PIK3CA: variants seen among roughly 807,000 people sequenced by gnomAD.
The protein encoded by PIK3CA is phosphatidylinositol 4,5-bisphosphate 3-kinase catalytic subunit alpha isoform.
PIK3CA carries 27 observed loss-of-function variants against 138.2 expected under a neutral mutation model. The ratio of observed to expected loss-of-function variants is 0.20; its 90% CI spans 0.14 to 0.27. PIK3CA has a LOEUF of 0.27. Among genes scored for constraint, PIK3CA ranks in the 10% least tolerant of loss-of-function variants. The pLI is 1.00. For missense variants in PIK3CA, 544 were observed against 1,277.4 expected (o/e 0.43, Z 8.75); for synonymous variants, 358 against 413.2 (o/e 0.87, Z 1.62).
At chr3:179,207,593 C>T (rs1724598993) in intron 6 of PIK3CA, among the ~76,000 whole-genome samples, 1 of 150,082 alleles carries the variant, frequency 6.7e-6, no homozygotes, top group Admixed American at 6.7e-5. Context: ...GTCGCCCAGG[C>T]TGGAGTGCAT....
chr3:179,198,061 G>C (rs568270730), intron 1 of PIK3CA, among the ~76,000 whole-genome samples: 2 of 152,164 alleles, frequency 1.3e-5, no homozygotes, highest in South Asian at 2.1e-4. Flanking sequence ...CAAATTCATC[G>C]TCATACTTCA....
rs1725181167 is a variant in PIK3CA, at chr3:179,230,327, G to C, written c.2887G>C (p.Val963Leu). 1 of 1,611,714 alleles carries C rather than the reference G, an allele frequency of 6.2e-7. No individual in the cohort carries two copies. The highest frequency in any genetic ancestry group is 1.7e-4 in the Middle Eastern group (1 of 6,028). The change falls in exon 20 of 21, where the codon GTG (valine) becomes CTG (leucine). Residue 963 changes from valine (V) to leucine (L), a missense_variant. Around this residue, in one of 14 missense-constraint regions of PIK3CA, gnomAD observed 72 missense variants for 271.8 expected, o/e 0.26. Coordinates refer to ENST00000263967, the MANE Select transcript of PIK3CA (RefSeq NM_006218.4). This position sits in a 1 kb window ranked among gnomAD's most constrained non-coding sequence, Gnocchi z 5.4. Reference sequence around the variant, plus strand: ...TGTTTTGACACAGGATTTCTTAATAGTGATTAGTAAAGGAGCCCAAGAATG... The same window carrying C: ...TGTTTTGACACAGGATTTCTTAATACTGATTAGTAAAGGAGCCCAAGAATG... The part of the protein sequence containing the change: ...PFVLTQDFLI[V>L]ISKGAQECTK...
chr3:179,201,583 T>C, intron 4 of PIK3CA, 43 bp downstream of exon 4: 1 of 1,298,080 alleles, frequency 7.7e-7, no homozygotes, highest in Non-Finnish European at 1.1e-6. Flanking sequence ...ATTTAAAAAG[T>C]AATCACATTG....
chr3:179,228,536 T>C (rs543318887), intron 17 of PIK3CA, among the ~76,000 whole-genome samples: 1 of 152,224 alleles, frequency 6.6e-6, no homozygotes, highest in East Asian at 1.9e-4. Flanking sequence ...ATACTCCTTC[T>C]TTTTCTACCT....
In PIK3CA at chr3:179,218,293, T is replaced by C. The variant is rs2108408288; in HGVS notation, c.1623T>C (p.Ser541=). 1 of 1,611,564 alleles carries C rather than the reference T, an allele frequency of 6.2e-7. No individual in the cohort carries two copies. The highest frequency in any genetic ancestry group is 8.5e-7 in the Non-Finnish European group (1 of 1,178,444). The stretch of plus-strand genomic sequence containing the variant: ...CAATTTCTACACGAGATCCTCTCTC[T>C]GAAATCACTGAGCAGGAGAAAGATT... ...LKAISTRDPL[S]EITEQEKDFL... is the part of the protein sequence containing the mutation. The change falls in exon 10 of 21, where the codon TCT becomes TCC. Residue 541 remains serine, a synonymous_variant. Transcript: ENST00000263967.
chr3:179,174,373 G>T (rs909724596), intron 1 of PIK3CA, among the ~76,000 whole-genome samples: 2 of 152,136 alleles, frequency 1.3e-5, no homozygotes, highest in African/African-American at 4.8e-5. Flanking sequence ...GGGAGGCTAA[G>T]GCAGGAGAAT....
At chr3:179,192,132 TGTA>T (rs1244056361) in intron 1 of PIK3CA, among the ~76,000 whole-genome samples, 1 of 152,182 alleles carries the variant, frequency 6.6e-6, no homozygotes. Context: ...TCCAGAATAT[TGTA>T]GTAGATTTTC....
At chr3:179,183,175 T>A (rs1442956390) in intron 1 of PIK3CA, among the ~76,000 whole-genome samples, 2 of 152,222 alleles carry the variant, frequency 1.3e-5, no homozygotes, top group Admixed American at 6.5e-5. Context: ...CAATAATTGC[T>A]TGCAATGGAC....
At chr3:179,157,608 A>G (rs2108351965) in intron 1 of PIK3CA, among the ~76,000 whole-genome samples, 1 of 152,162 alleles carries the variant, frequency 6.6e-6, no homozygotes, top group East Asian at 1.9e-4. Flanking sequence ...AATATCAGAC[A>G]TATATGTTTG....
At chr3:179,171,308 G>T (rs1290136904) in intron 1 of PIK3CA, among the ~76,000 whole-genome samples, 1 of 152,016 alleles carries the variant, frequency 6.6e-6, no homozygotes, top group Non-Finnish European at 1.5e-5. Context: ...TGCTAAGAAA[G>T]AAATGTTTGG....
At chr3:179,204,123 C>T (rs962749772) in intron 5 of PIK3CA, among the ~76,000 whole-genome samples, 11 of 152,092 alleles carry the variant, frequency 7.2e-5, no homozygotes, top group Admixed American at 2.0e-4. Context: ...TATAAAATTC[C>T]GGTATCTTAT....
intron 14 of PIK3CA, among the ~76,000 whole-genome samples, chr3:179,221,808 AG>A (rs1172219229): frequency 6.8e-6 from 1 of 147,716 alleles, no homozygotes; most frequent in Non-Finnish European, 1.5e-5. Flanking sequence ...CCTGGGTTCA[AG>A]CCATCCTCCC....
intron 14 of PIK3CA, among the ~76,000 whole-genome samples, chr3:179,221,380 C>A (rs1414807506): frequency 6.6e-6 from 1 of 152,102 alleles, no homozygotes; most frequent in Non-Finnish European, 1.5e-5. Flanking sequence ...CTTCATAAGG[C>A]CATTGTGAGA....
intron 14 of PIK3CA, among the ~76,000 whole-genome samples, chr3:179,223,838 A>G (rs2108416407): frequency 6.6e-6 from 1 of 152,244 alleles, no homozygotes; most frequent in East Asian, 1.9e-4. Context: ...AAGCATTGCC[A>G]CTATCACCAA....
intron 1 of PIK3CA, chr3:179,149,821 C>G (rs1374150229): frequency 1.3e-5 from 2 of 152,186 alleles, no homozygotes; most frequent in Non-Finnish European, 2.9e-5. Context: ...TTGAATTTTT[C>G]TGAGTATTTG....
chr3:179,178,245 C>A (rs1723751024), intron 1 of PIK3CA, among the ~76,000 whole-genome samples: 1 of 137,364 alleles, frequency 7.3e-6, no homozygotes, highest in Non-Finnish European at 1.5e-5. Flanking sequence ...CCAAGTGCGA[C>A]CTTGTCTCTA....
rs1214555750 is a variant in PIK3CA, at chr3:179,211,387, T to TATAC, written c.1539+823_1539+824insTACA. On this transcript the variant is annotated intron_variant, in intron 9 of 20. Coordinates refer to ENST00000263967, the MANE Select transcript of PIK3CA (RefSeq NM_006218.4). The stretch of plus-strand genomic sequence containing the variant: ...GCATATATCCACTTAAAATGCTATG[T>TATAC]AGGCTGGGTGCAGTGGCTCATGCCT... 7.9e-5 allele frequency among the ~76,000 whole-genome samples: 12 copies of TATAC among 152,330 alleles called. No individual in the cohort carries two copies. The South Asian group carries it at 2.5e-3, about 32-fold the overall frequency.
chr3:179,157,785 A>AT (rs1723176770), intron 1 of PIK3CA, among the ~76,000 whole-genome samples: 1 of 152,080 alleles, frequency 6.6e-6, no homozygotes, highest in South Asian at 2.1e-4. Context: ...TCTCATAATG[A>AT]TTAAGAGCAT....
chr3:179,164,205 T>A (rs1723356396), intron 1 of PIK3CA, among the ~76,000 whole-genome samples: 1 of 152,146 alleles, frequency 6.6e-6, no homozygotes, highest in African/African-American at 2.4e-5. Context: ...CAGACAAAAC[T>A]GTAAGAGAAT....
Sources: allele counts gnomAD v4.1 joint callset (sites outside exome capture counted in the v4.1 genomes callset), GRCh38; gene constraint gnomAD v4.1.1; regional missense constraint gnomAD v4.1.1; non-coding constraint Gnocchi (gnomAD v3.1); transcripts MANE v1.5; gene names NCBI Gene and HGNC (gene_info 2026-07-23, HGNC 2026-07-21).